Variants in CNTNAP2 observed in about 807,000 individuals in gnomAD.
The protein encoded by CNTNAP2 is contactin associated protein 2.
A neutral mutation model predicts 155.2 loss-of-function variants in CNTNAP2; 98 were observed. That is an observed-to-expected ratio of 0.63 (90% CI 0.54 to 0.75). CNTNAP2 has a LOEUF of 0.75. CNTNAP2 is among the 30% of genes least tolerant of loss of function. The pLI is 0.00. For missense variants in CNTNAP2, 1,727 were observed against 1,688.1 expected, an observed-to-expected ratio of 1.02 and a Z score of -0.40; for synonymous variants, 651 against 631.2, an observed-to-expected ratio of 1.03 and a Z score of -0.47.
intron 1 of CNTNAP2, among the ~76,000 whole-genome samples, chr7:146,611,749 A>G (rs1799141918): frequency 6.6e-6 from 1 of 152,188 alleles, no homozygotes; most frequent in South Asian, 2.1e-4. Flanking sequence ...ATATTTTGGT[A>G]TAACTTTAGG....
chr7:147,578,053 C>T (rs560882883), intron 12 of CNTNAP2, among the ~76,000 whole-genome samples: 2 of 152,238 alleles, frequency 1.3e-5, no homozygotes, highest in East Asian at 3.9e-4. Context: ...GCTTTAGAAT[C>T]TATCTGTATG....
intron 3 of CNTNAP2, among the ~76,000 whole-genome samples, chr7:146,975,630 C>T (rs1040571176): frequency 2.6e-5 from 4 of 152,012 alleles, no homozygotes; most frequent in African/African-American, 7.2e-5. Flanking sequence ...ATGTTTTACC[C>T]CTCCCACCCT....
chr7:146,678,434 A>G (rs1800442814), intron 1 of CNTNAP2, among the ~76,000 whole-genome samples: 1 of 152,152 alleles, frequency 6.6e-6, no homozygotes, highest in Non-Finnish European at 1.5e-5. Context: ...AGTCTTTTAA[A>G]GCAAAATCAA....
intron 13 of CNTNAP2, among the ~76,000 whole-genome samples, chr7:147,901,621 T>C (rs936483839): frequency 6.6e-6 from 1 of 152,226 alleles, no homozygotes; most frequent in Non-Finnish European, 1.5e-5. Flanking sequence ...TAGGAGGTCT[T>C]ACCTCTCTTA....
chr7:148,168,262 C>T (rs922847526), intron 17 of CNTNAP2, among the ~76,000 whole-genome samples: 4 of 151,884 alleles, frequency 2.6e-5, no homozygotes, highest in South Asian at 2.1e-4. Context: ...CACATGCACA[C>T]GTATGTTTAT....
At chr7:147,474,907 C>A (rs541915210) in intron 10 of CNTNAP2, among the ~76,000 whole-genome samples, 48 of 152,274 alleles carry the variant, frequency 3.2e-4, no homozygotes, top group Admixed American at 7.2e-4. Flanking sequence ...AGATTTCTGA[C>A]CTTCATGCAT....
intron 10 of CNTNAP2, among the ~76,000 whole-genome samples, chr7:147,424,465 C>A (rs1439719013): frequency 3.3e-5 from 5 of 152,076 alleles, no homozygotes; most frequent in African/African-American, 2.4e-5. Flanking sequence ...CTCTCTCTCT[C>A]TTGCTTCTCC....
intron 1 of CNTNAP2, among the ~76,000 whole-genome samples, chr7:146,178,707 G>A (rs62504804): frequency 0.16 from 25,049 of 151,994 alleles, 2,558 homozygotes; most frequent in East Asian, 0.28. Context: ...CTAAATTATT[G>A]CTCAAAATAT....
At chr7:146,640,734 CTCT>C in intron 1 of CNTNAP2, among the ~76,000 whole-genome samples, 1 of 152,266 alleles carries the variant, frequency 6.6e-6, no homozygotes, top group South Asian at 2.1e-4. Flanking sequence ...GTGCATTTTT[CTCT>C]TCTTTAATAT....
intron 2 of CNTNAP2, among the ~76,000 whole-genome samples, chr7:146,807,807 T>C (rs1240393510): frequency 1.3e-5 from 2 of 152,106 alleles, no homozygotes; most frequent in Admixed American, 1.3e-4. Context: ...TCATGAGGTA[T>C]GTTCTTCCCA....
rs550897950 is a variant in CNTNAP2, at chr7:147,269,613, A to T, written c.1349-30528A>T. Among the ~76,000 whole-genome samples the T allele has an allele frequency of 1.6e-4, 25 of 152,276 alleles. No individual in the cohort carries two copies. In the South Asian group the frequency reaches 5.2e-3, roughly 32 times the overall value. Reference sequence around the variant, plus strand: ...GTTTGCTATATTCCTCTTGTTTTTGATGATATTGCTGGAGGAGACAGAAGG... The same window carrying T: ...GTTTGCTATATTCCTCTTGTTTTTGTTGATATTGCTGGAGGAGACAGAAGG... On this transcript the variant is annotated intron_variant, in intron 8 of 23. Transcript: ENST00000361727.
rs372727057 is a variant in CNTNAP2, at chr7:147,424,215, C to T, written c.1670+28435C>T. ...ATTTCCTAGTTGTTTAAAATACCTA[C>T]TTATTTTCTTGTTCTCTTTTAAAGT... On this transcript the variant is annotated intron_variant, in intron 10 of 23. Coordinates refer to ENST00000361727, the MANE Select transcript of CNTNAP2 (RefSeq NM_014141.6). Among the ~76,000 whole-genome samples the T allele has an allele frequency of 1.3e-3, 195 of 152,270 alleles. 4 individuals are homozygous for T. In the Middle Eastern group the frequency reaches 0.017, roughly 13 times the overall value.
intron 1 of CNTNAP2, among the ~76,000 whole-genome samples, chr7:146,596,416 G>T (rs1374479821): frequency 5.9e-5 from 9 of 151,858 alleles, no homozygotes; most frequent in Non-Finnish European, 1.2e-4. Context: ...GAAATAATTA[G>T]CAATCAGAAA....
chr7:147,762,157 A>G (rs777727806), intron 13 of CNTNAP2, among the ~76,000 whole-genome samples: 2 of 137,150 alleles, frequency 1.5e-5, no homozygotes, highest in Non-Finnish European at 3.1e-5. Context: ...TCTCTGTCTC[A>G]CACACACACA....
chr7:146,540,271 A>C (rs1481245775), intron 1 of CNTNAP2, among the ~76,000 whole-genome samples: 1 of 152,096 alleles, frequency 6.6e-6, no homozygotes, highest in Non-Finnish European at 1.5e-5. Context: ...GTCCGTTTCA[A>C]TGTTCTGTTG....
At chr7:146,225,640 C>T (rs1026627543) in intron 1 of CNTNAP2, among the ~76,000 whole-genome samples, 1 of 152,170 alleles carries the variant, frequency 6.6e-6, no homozygotes, top group South Asian at 2.1e-4. Context: ...AGTCATGGTT[C>T]AGGCTTTGAC....
At chr7:147,084,058 A>G (rs1800214225) in intron 4 of CNTNAP2, among the ~76,000 whole-genome samples, 1 of 117,284 alleles carries the variant, frequency 8.5e-6, no homozygotes, top group South Asian at 2.8e-4. Flanking sequence ...CTATATATGT[A>G]TATATAATAC....
intron 15 of CNTNAP2, among the ~76,000 whole-genome samples, chr7:148,025,401 A>G (rs1296188511): frequency 6.6e-6 from 1 of 152,118 alleles, no homozygotes. Context: ...TCCCCAGTCA[A>G]TCTGCAGCAC....
intron 1 of CNTNAP2, among the ~76,000 whole-genome samples, chr7:146,721,918 T>G (rs897251108): frequency 7.3e-6 from 1 of 137,262 alleles, no homozygotes; most frequent in African/African-American, 3.1e-5. Context: ...AGATGGAACC[T>G]GGCTCTGTAG....
Sources: gnomAD v4.1 joint callset for allele counts (sites outside exome capture counted in the v4.1 genomes callset) on GRCh38, gnomAD v4.1.1 for gene constraint, MANE v1.5 for transcripts, NCBI Gene and HGNC (gene_info 2026-07-23, HGNC 2026-07-21) for gene names.